Variants in SLC4A4 observed in about 807,000 individuals in gnomAD.
The protein encoded by SLC4A4 is electrogenic sodium bicarbonate cotransporter 1.
In SLC4A4, 27 loss-of-function variants were observed where a neutral mutation model predicts 111.5. The observed-to-expected ratio is 0.24, with a 90% CI of 0.18 to 0.33. The LOEUF (loss-of-function observed/expected upper bound fraction) is 0.33. Ranked by LOEUF, SLC4A4 falls within the 10% of genes least tolerant of loss-of-function variation. SLC4A4 has a pLI of 1.00. For missense variants in SLC4A4, 909 were observed against 1,315.5 expected (o/e 0.69, Z 4.78); for synonymous variants, 443 against 463.4 (o/e 0.96, Z 0.57).
intron 2 of SLC4A4, among the ~76,000 whole-genome samples, chr4:71,111,153 A>G (rs1190763926): frequency 2.0e-5 from 3 of 152,156 alleles, no homozygotes; most frequent in African/African-American, 4.8e-5. Context: ...ATGATAATCA[A>G]CCATGGTGGT....
chr4:71,180,483 T>C (rs1383050918), intron 2 of SLC4A4, among the ~76,000 whole-genome samples: 6 of 152,008 alleles, frequency 3.9e-5, no homozygotes, highest in Non-Finnish European at 5.9e-5. Flanking sequence ...AGAATCTACA[T>C]TGAACTCCAA....
chr4:71,485,872 A>G (rs1729342133), intron 14 of SLC4A4, among the ~76,000 whole-genome samples: 1 of 151,496 alleles, frequency 6.6e-6, no homozygotes. Flanking sequence ...CACTGGGTAG[A>G]TTTTAGGGAA....
At chr4:71,147,430 GA>G (rs978794740) in intron 2 of SLC4A4, among the ~76,000 whole-genome samples, 79 of 152,232 alleles carry the variant, frequency 5.2e-4, no homozygotes, top group African/African-American at 1.8e-3. Context: ...TAGGCAGTCA[GA>G]GAGATGAATT....
chr4:71,517,376 T>C (rs1430921526), intron 16 of SLC4A4, among the ~76,000 whole-genome samples: 4 of 152,048 alleles, frequency 2.6e-5, no homozygotes, highest in Admixed American at 2.6e-4. Flanking sequence ...CTGTTGATGC[T>C]CTTTATTGCA....
chr4:71,407,744 C>CTA lies in SLC4A4; in HGVS notation c.807+10091_807+10092insTA, dbSNP rs1720994672. 4.6e-5 allele frequency among the ~76,000 whole-genome samples: 7 copies of CTA among 150,662 alleles called. No homozygotes were observed. The South Asian group carries it at 1.5e-3, about 31-fold the overall frequency. Reference sequence around the variant, plus strand: ...TTTTAGAATTATTTGAAATAATAGCCAAACTTTCCAAATTTGAGGAAATAC... The same window carrying CTA: ...TTTTAGAATTATTTGAAATAATAGCCTAAAACTTTCCAAATTTGAGGAAATAC... On this transcript the variant is annotated intron_variant, in intron 7 of 25. Transcript: ENST00000264485.
At chr4:71,301,031 GA>G in intron 3 of SLC4A4, 1 of 430,626 alleles carries the variant, frequency 2.3e-6, no homozygotes, top group Non-Finnish European at 4.7e-6. Flanking sequence ...CAGCCCACTA[GA>G]AGGGAGAAGG....
chr4:71,470,928 G>T (rs1333528055), intron 13 of SLC4A4, among the ~76,000 whole-genome samples: 2 of 151,890 alleles, frequency 1.3e-5, no homozygotes, highest in African/African-American at 4.8e-5. Context: ...TACTATGGAG[G>T]GTGATCTGCT....
chr4:71,257,036 G>A (rs558303904), intron 3 of SLC4A4, among the ~76,000 whole-genome samples: 1 of 152,266 alleles, frequency 6.6e-6, no homozygotes, highest in South Asian at 2.1e-4. Flanking sequence ...TTTTGAGAAG[G>A]GCAGTGGAAA....
intron 19 of SLC4A4, 131 bp downstream of exon 19, chr4:71,546,659 TC>T: frequency 1.2e-6 from 1 of 834,092 alleles, no homozygotes; most frequent in Non-Finnish European, 1.9e-6. Flanking sequence ...TATTTTTTGT[TC>T]CAGAAAGGAC....
chr4:71,491,987 A>T (rs185726152), intron 15 of SLC4A4, among the ~76,000 whole-genome samples: 1 of 151,192 alleles, frequency 6.6e-6, no homozygotes, highest in East Asian at 2.0e-4. Context: ...CTACCCAGAG[A>T]TGCTGTTAAT....
rs770717801 is a variant in SLC4A4, at chr4:71,357,162, T to C, written c.705T>C (p.Ser235=). 14 of 1,614,068 alleles carry C rather than the reference T, an allele frequency of 8.7e-6. No homozygotes were observed. The highest frequency in any genetic ancestry group is 2.2e-5 in the South Asian group (2 of 91,082). Residue 235 remains serine, a synonymous_variant, in exon 6 of 26, where the codon AGT becomes AGC. Coordinates refer to ENST00000264485, the MANE Select transcript of SLC4A4 (RefSeq NM_001098484.3). ...TTGGGAAGACAGTCTCCAGTGCAAGTAGGATGTTTACCAACCCTGATAATG... is the reference window on the plus strand; with the variant it reads ...TTGGGAAGACAGTCTCCAGTGCAAGCAGGATGTTTACCAACCCTGATAATG... ...ADIGKTVSSA[S]RMFTNPDNGS... is the part of the protein sequence containing the mutation.
chr4:71,091,721 A>T (rs1021795994), intron 1 of SLC4A4, among the ~76,000 whole-genome samples: 2 of 152,094 alleles, frequency 1.3e-5, no homozygotes, highest in African/African-American at 4.8e-5. Context: ...AAATAAAGAG[A>T]TCCCATCTTT....
intron 20 of SLC4A4, among the ~76,000 whole-genome samples, chr4:71,553,224 T>C (rs763597305): frequency 6.6e-6 from 1 of 151,926 alleles, no homozygotes; most frequent in Non-Finnish European, 1.5e-5. Context: ...AACATCTTCA[T>C]ATCTAAAGCT....
intron 13 of SLC4A4, among the ~76,000 whole-genome samples, chr4:71,469,210 T>A (rs779269276): frequency 8.6e-5 from 13 of 151,974 alleles, no homozygotes; most frequent in Non-Finnish European, 1.8e-4. Flanking sequence ...TGAAAGATGT[T>A]TCAGCAATGT....
At chr4:71,511,870 T>A (rs1731955308) in intron 16 of SLC4A4, among the ~76,000 whole-genome samples, 1 of 152,192 alleles carries the variant, frequency 6.6e-6, no homozygotes, top group Non-Finnish European at 1.5e-5. Context: ...ATGCACTATA[T>A]GTCTTTCCGT....
chr4:71,176,325 C>G (rs58582748), intron 2 of SLC4A4, among the ~76,000 whole-genome samples: 1 of 152,090 alleles, frequency 6.6e-6, no homozygotes, highest in African/African-American at 2.4e-5. Context: ...CAAAGCTGGA[C>G]GGAGAATGAC....
At chr4:71,175,618 G>A (rs1373864338) in intron 2 of SLC4A4, among the ~76,000 whole-genome samples, 1 of 152,244 alleles carries the variant, frequency 6.6e-6, no homozygotes, top group Non-Finnish European at 1.5e-5. Context: ...CAAGGTGGCA[G>A]CGAGGCTGGG....
At chr4:71,144,621 A>C (rs1442975350) in intron 2 of SLC4A4, among the ~76,000 whole-genome samples, 4 of 150,878 alleles carry the variant, frequency 2.7e-5, no homozygotes, top group Non-Finnish European at 5.9e-5. Flanking sequence ...CTTTTATTTC[A>C]TTGAGCAGGG....
In SLC4A4 at chr4:71,107,693, T is replaced by G. The variant is rs148840509; in HGVS notation, c.-2+14901T>G. Among the ~76,000 whole-genome samples the G allele has an allele frequency of 1.3e-4, 15 of 112,580 alleles. No individual in the cohort carries two copies. In the East Asian group the frequency reaches 4.2e-3, roughly 31 times the overall value. 73.9% of individuals were successfully genotyped at this position (112,580 alleles called of 152,430 possible). ...ATAAACATTTTAATCCTTTCTCATT[T>G]CTTTAATTTCTTTCTTGTTTTTTTT... On this transcript the variant is annotated intron_variant, in intron 2 of 26. Transcript: ENST00000649996.
Sources: allele counts gnomAD v4.1 joint callset (sites outside exome capture counted in the v4.1 genomes callset), GRCh38; gene constraint gnomAD v4.1.1; transcripts MANE v1.5; gene names NCBI Gene and HGNC (gene_info 2026-07-23, HGNC 2026-07-21).